The following HSD17B11 variants were observed in gnomAD, a reference collection of about 807,000 sequenced individuals.
HSD17B11 encodes estradiol 17-beta-dehydrogenase 11.
HSD17B11 carries 22 observed loss-of-function variants against 27.8 expected under a neutral mutation model. The ratio of observed to expected loss-of-function variants is 0.79; its 90% CI spans 0.56 to 1.13. HSD17B11 has a LOEUF of 1.13. Among genes scored for constraint, HSD17B11 ranks in the 50% most tolerant of loss-of-function variants. The probability of loss-of-function intolerance (pLI) is 0.00; values close to 1 mark genes in which losing one functional copy is unlikely to be tolerated. For synonymous variants in HSD17B11, 117 were observed against 132.8 expected (o/e 0.88, Z 0.82); for missense variants, 314 against 351.1 (o/e 0.89, Z 0.84).
rs531442291 is a variant in HSD17B11 at position 87,375,532 on chromosome 4, C to G, written c.319-702G>C. Among the ~76,000 whole-genome samples the G allele has an allele frequency of 4.7e-3, 714 of 152,100 alleles. 4 individuals carry two copies. The highest frequency in any genetic ancestry group is 0.016 in the African/African-American group (669 of 41,490). ...CGAGGCAGGTGGATCACCTGTGGTC[C>G]GGAGTTTGAGACCAGCATGACCAAC... On this transcript the variant is annotated intron_variant, in intron 2 of 6. Coordinates refer to ENST00000358290, the MANE Select transcript of HSD17B11 (RefSeq NM_016245.5).
chr4:87,371,578 A>G (rs1376319783), intron 4 of HSD17B11, among the ~76,000 whole-genome samples: 1 of 152,222 alleles, frequency 6.6e-6, no homozygotes, highest in East Asian at 1.9e-4. Context: ...TTATAAATGT[A>G]TGTCACGTGT....
intron 4 of HSD17B11, among the ~76,000 whole-genome samples, chr4:87,363,814 C>G (rs1255630162): frequency 6.6e-6 from 1 of 152,196 alleles, no homozygotes; most frequent in African/African-American, 2.4e-5. Context: ...ATTCCCCACC[C>G]AGGAAATAAG....
intron 4 of HSD17B11, among the ~76,000 whole-genome samples, chr4:87,363,667 CA>C (rs1312308180): frequency 2.0e-5 from 3 of 152,192 alleles, no homozygotes; most frequent in African/African-American, 7.2e-5. Flanking sequence ...CTCTGAAAAT[CA>C]TATTAAATAG....
intron 4 of HSD17B11, among the ~76,000 whole-genome samples, chr4:87,371,341 G>T (rs77936526): frequency 0.017 from 2,633 of 152,232 alleles, 73 homozygotes; most frequent in African/African-American, 0.06. Context: ...AATATAGTGT[G>T]ATTCCATGGA....
chr4:87,385,224 T>C (rs1417342938), intron 1 of HSD17B11, among the ~76,000 whole-genome samples: 4 of 152,234 alleles, frequency 2.6e-5, no homozygotes, highest in Non-Finnish European at 5.9e-5. Context: ...TAATGTTGTA[T>C]ACACATAGGA....
At chr4:87,378,932 ATATATATATATATATT>A (rs1560769591) in intron 2 of HSD17B11, among the ~76,000 whole-genome samples, 1 of 21,388 alleles carries the variant, frequency 4.7e-5, no homozygotes, top group Non-Finnish European at 7.7e-5. Flanking sequence ...ATATATAAAT[ATATATATATATATATT>A]TATATATATA....
chr4:87,338,224 A>AC (rs11418537), intron 6 of HSD17B11, among the ~76,000 whole-genome samples: 8,951 of 151,350 alleles, frequency 0.059, 846 homozygotes, highest in African/African-American at 0.21. Context: ...CCCCCACAGC[A>AC]CCCCCCCAAA....
At chr4:87,369,855 T>C (rs2110123527) in intron 4 of HSD17B11, among the ~76,000 whole-genome samples, 1 of 152,358 alleles carries the variant, frequency 6.6e-6, no homozygotes, top group Non-Finnish European at 1.5e-5. Context: ...GTTGACAGAA[T>C]ATATTAGCTA....
chr4:87,375,696 G>A (rs1578043926), intron 2 of HSD17B11, among the ~76,000 whole-genome samples: 1 of 152,176 alleles, frequency 6.6e-6, no homozygotes, highest in South Asian at 2.1e-4. Context: ...AGCTGAGATC[G>A]CGCCATCGCA....
chr4:87,374,755 T>C lies in HSD17B11; in HGVS notation c.394A>G (p.Thr132Ala). 1 of 1,609,380 alleles carries C rather than the reference T, an allele frequency of 6.2e-7. No individual in the cohort carries two copies. Among genetic ancestry groups the C allele is most frequent in the Non-Finnish European group, 8.5e-7 (1 of 1,178,044 alleles). Residue 132 changes from threonine to alanine, a missense_variant, in exon 3 of 7, where the codon ACA becomes GCA. Transcript: ENST00000358290. ...GVVYTSDLFA[T>A]QDPQIEKTFE... ...GTCTTTTCAATCTGAGGATCTTGTG[T>C]AGCAAACAAATCTGATGTATAGACT... is the stretch of plus-strand genomic sequence containing the variant.
At chr4:87,340,300 G>A in intron 6 of HSD17B11, 190 bp downstream of exon 6, 1 of 353,346 alleles carries the variant, frequency 2.8e-6, no homozygotes, top group Non-Finnish European at 5.1e-6. Context: ...AAAAATGTGT[G>A]GAAATTACTC....
intron 1 of HSD17B11, among the ~76,000 whole-genome samples, chr4:87,387,577 T>C (rs982143471): frequency 3.3e-5 from 5 of 152,192 alleles, no homozygotes; most frequent in African/African-American, 9.7e-5. Context: ...GTTCTCAGCC[T>C]TCTATAATTT....
chr4:87,362,475 G>A (rs1287546089), intron 4 of HSD17B11, among the ~76,000 whole-genome samples: 1 of 152,176 alleles, frequency 6.6e-6, no homozygotes, highest in Non-Finnish European at 1.5e-5. Context: ...GCAGTGAGCC[G>A]AGATTGTGCT....
In HSD17B11 at chr4:87,343,635, T is replaced by C. The variant is rs1023524070; in HGVS notation, c.696-3029A>G. Among the ~76,000 whole-genome samples, 33 of 150,784 alleles carry C rather than the reference T, an allele frequency of 2.2e-4. 1 individual carries two copies. Among genetic ancestry groups the C allele is most frequent in the Admixed American group, 1.3e-4 (2 of 15,066 alleles). On this transcript the variant is annotated intron_variant, in intron 5 of 6. Coordinates refer to ENST00000358290, the MANE Select transcript of HSD17B11 (RefSeq NM_016245.5). ...CGATCTCAGCTCACTGCAACCTCCGTCTCCCAGGCTCAAGCAATTCTCCTG... is the reference window on the plus strand; with the variant it reads ...CGATCTCAGCTCACTGCAACCTCCGCCTCCCAGGCTCAAGCAATTCTCCTG...
chr4:87,385,239 A>G (rs965930667), intron 1 of HSD17B11, among the ~76,000 whole-genome samples: 1 of 152,208 alleles, frequency 6.6e-6, no homozygotes, highest in African/African-American at 2.4e-5. Flanking sequence ...ATAGGATAGA[A>G]TATTATTCAG....
intron 2 of HSD17B11, among the ~76,000 whole-genome samples, chr4:87,376,409 G>A (rs763335759): frequency 6.6e-6 from 1 of 150,710 alleles, no homozygotes; most frequent in Non-Finnish European, 1.5e-5. Flanking sequence ...AGAGGCTGAG[G>A]CAGGAGAATC....
At position 87,390,998 on chromosome 4, in the gene HSD17B11, G is replaced by C; in HGVS notation, c.73C>G (p.Leu25Val). The change falls in exon 1 of 7, where the codon CTT (leucine) becomes GTT (valine). Residue 25 changes from leucine to valine, a missense_variant. By Grantham distance (32) the Leu-to-Val change is conservative. Transcript: ENST00000358290. ...GATTTTCTCCTCTTAGGAATAAAAA[G>C]CTTCACGAAGGACTCTAGGGAGCAG... Reference protein sequence around the residue: ...IVCSLESFVKLFIPKRRKSVT... With the variant: ...IVCSLESFVKVFIPKRRKSVT... 3.1e-6 allele frequency: 5 copies of C among 1,614,112 alleles called. No homozygotes were observed. Among genetic ancestry groups the C allele is most frequent in the East Asian group, 2.2e-5 (1 of 44,888 alleles).
intron 4 of HSD17B11, among the ~76,000 whole-genome samples, chr4:87,368,241 C>CG (rs971274233): frequency 1.3e-5 from 2 of 152,006 alleles, no homozygotes; most frequent in Non-Finnish European, 2.9e-5. Flanking sequence ...GGCATGAACC[C>CG]GGGAGGCAGA....
rs1295513224 is a variant in HSD17B11 at position 87,357,388 on chromosome 4, G to A, written c.586C>T (p.His196Tyr). The A allele has an allele frequency of 1.2e-6, 2 of 1,613,260 alleles. No individual in the cohort carries two copies. Among genetic ancestry groups the A allele is most frequent in the Non-Finnish European group, 1.7e-6 (2 of 1,179,758 alleles). The change falls in exon 5 of 7, where the codon CAT becomes TAT. Residue 196 changes from histidine to tyrosine, a missense_variant. Transcript: ENST00000358290. ...GCCAGTTCATCTGTCAAAGTTTTATGAAATCCAACAGCAGCAAACTTGCTT... is the reference window on the plus strand; with the variant it reads ...GCCAGTTCATCTGTCAAAGTTTTATAAAATCCAACAGCAGCAAACTTGCTT... ...CSSKFAAVGF[H>Y]KTLTDELAAL...
Sources: allele counts gnomAD v4.1 joint callset (sites outside exome capture counted in the v4.1 genomes callset), GRCh38; gene constraint gnomAD v4.1.1; transcripts MANE v1.5; gene names NCBI Gene and HGNC (gene_info 2026-07-23, HGNC 2026-07-21).